The following JMJD1C variants were observed in gnomAD, a reference collection of about 807,000 sequenced individuals.
JMJD1C encodes the protein jumonji domain containing 1C.
In JMJD1C, 31 loss-of-function variants were observed where a neutral mutation model predicts 245.3. That is an observed-to-expected ratio of 0.13 (90% CI 0.09 to 0.17). The LOEUF is 0.17. Ranked by LOEUF, JMJD1C falls within the 10% of genes least tolerant of loss-of-function variation. The pLI is 1.00. For synonymous variants in JMJD1C, 1,057 were observed against 1,017.4 expected (o/e 1.04, Z -0.74); for missense variants, 2,691 against 3,000.2 (o/e 0.90, Z 2.41).
At chr10:63,425,802 G>A (rs148812219) in intron 1 of JMJD1C, among the ~76,000 whole-genome samples, 3 of 152,098 alleles carry the variant, frequency 2.0e-5, no homozygotes, top group Admixed American at 1.3e-4. Flanking sequence ...CACAAAAGTT[G>A]AAACAATAAT....
At chr10:63,168,309 G>A in intron 25 of JMJD1C, 126 bp downstream of exon 25, 1 of 1,016,904 alleles carries the variant, frequency 9.8e-7, no homozygotes, top group Non-Finnish European at 1.5e-6. Flanking sequence ...ATACATGTTG[G>A]TGTTAATCTT....
At chr10:63,356,238 A>C (rs1226969202) in intron 2 of JMJD1C, among the ~76,000 whole-genome samples, 3 of 152,172 alleles carry the variant, frequency 2.0e-5, no homozygotes, top group African/African-American at 7.2e-5. Flanking sequence ...TAGAAGACAA[A>C]CTTTACCTAC....
At chr10:63,471,992 T>C (rs1320477411) in intron 1 of JMJD1C, among the ~76,000 whole-genome samples, 1 of 152,076 alleles carries the variant, frequency 6.6e-6, no homozygotes, top group Non-Finnish European at 1.5e-5. Flanking sequence ...TGGGCTGAGA[T>C]TGCACCACTG....
intron 1 of JMJD1C, among the ~76,000 whole-genome samples, chr10:63,461,853 T>A (rs766243666): frequency 6.6e-6 from 1 of 152,212 alleles, no homozygotes; most frequent in African/African-American, 2.4e-5. Flanking sequence ...AATAAATAAA[T>A]CACTGAGATC....
At chr10:63,397,052 ACT>A (rs34927826) in intron 1 of JMJD1C, among the ~76,000 whole-genome samples, 30,424 of 151,276 alleles carry the variant, frequency 0.2, 3,982 homozygotes, top group Non-Finnish European at 0.29. Flanking sequence ...TTTCAGTAAC[ACT>A]CTATTTTGAC....
At chr10:63,198,775 TA>T in intron 11 of JMJD1C, 48 bp from the exon 12 acceptor site, 2 of 1,097,890 alleles carry the variant, frequency 1.8e-6, no homozygotes, top group Non-Finnish European at 2.6e-6. Context: ...TATTAAAACA[TA>T]AGTCCAGTCT....
chr10:63,175,148 A>C (rs554631748), intron 24 of JMJD1C, among the ~76,000 whole-genome samples: 33 of 152,350 alleles, frequency 2.2e-4, no homozygotes, highest in African/African-American at 7.9e-4. Context: ...TTATAATACT[A>C]GTCTCTTAAA....
intron 1 of JMJD1C, among the ~76,000 whole-genome samples, chr10:63,484,926 C>T (rs951782445): frequency 4.0e-5 from 6 of 151,754 alleles, no homozygotes; most frequent in Admixed American, 2.6e-4. Flanking sequence ...CCAAAGGACA[C>T]TAGAGCAAGC....
At chr10:63,311,957 T>C (rs1470322239) in intron 2 of JMJD1C, among the ~76,000 whole-genome samples, 3 of 152,222 alleles carry the variant, frequency 2.0e-5, no homozygotes, top group African/African-American at 4.8e-5. Flanking sequence ...CTTCTGATTT[T>C]GAGAAAACCT....
intron 18 of JMJD1C, among the ~76,000 whole-genome samples, chr10:63,188,936 T>G (rs1412344059): frequency 6.6e-6 from 1 of 152,164 alleles, no homozygotes; most frequent in Non-Finnish European, 1.5e-5. Context: ...GATCAAAAAG[T>G]AACATAAAAT....
intron 1 of JMJD1C, among the ~76,000 whole-genome samples, chr10:63,451,194 A>G (rs1564933316): frequency 6.6e-6 from 1 of 152,244 alleles, no homozygotes; most frequent in East Asian, 1.9e-4. Context: ...TTAAGATATC[A>G]GCACTACCCA....
intron 1 of JMJD1C, among the ~76,000 whole-genome samples, chr10:63,385,326 A>T (rs1172980681): frequency 6.6e-6 from 1 of 151,850 alleles, no homozygotes; most frequent in Non-Finnish European, 1.5e-5. Flanking sequence ...GACCCATGAA[A>T]ATATTTTTCC....
intron 3 of JMJD1C, among the ~76,000 whole-genome samples, chr10:63,245,947 A>G (rs1852152445): frequency 6.6e-6 from 1 of 152,178 alleles, no homozygotes; most frequent in South Asian, 2.1e-4. Context: ...ACACATGCAA[A>G]CATATCAGAG....
intron 1 of JMJD1C, among the ~76,000 whole-genome samples, chr10:63,454,555 CT>C (rs1227734208): frequency 3.3e-5 from 5 of 151,968 alleles, no homozygotes; most frequent in Non-Finnish European, 5.9e-5. Context: ...CTCAGCCCCC[CT>C]AGTAGCTGGG....
chr10:63,296,234 T>C (rs1487097377), intron 2 of JMJD1C, among the ~76,000 whole-genome samples: 2 of 151,800 alleles, frequency 1.3e-5, no homozygotes, highest in African/African-American at 4.8e-5. Context: ...GGTCTCAAAC[T>C]CCTGACCTCA....
At chr10:63,371,466 C>CT (rs1946315186) in intron 2 of JMJD1C, among the ~76,000 whole-genome samples, 1 of 152,100 alleles carries the variant, frequency 6.6e-6, no homozygotes, top group African/African-American at 2.4e-5. Context: ...TTCTTTTCCT[C>CT]TTTAATAAGA....
intron 1 of JMJD1C, among the ~76,000 whole-genome samples, chr10:63,385,372 T>C (rs558280920): frequency 1.4e-5 from 2 of 145,952 alleles, no homozygotes; most frequent in African/African-American, 2.5e-5. Context: ...ACAGACTTAA[T>C]AGATGCAAAG....
At chr10:63,275,457 G>A (rs913845321) in intron 2 of JMJD1C, among the ~76,000 whole-genome samples, 3 of 152,236 alleles carry the variant, frequency 2.0e-5, no homozygotes, top group South Asian at 4.2e-4. Context: ...TTTCACAAAG[G>A]AGAAATAAGC....
At chr10:63,194,952 T>A (rs902030220) in intron 13 of JMJD1C, among the ~76,000 whole-genome samples, 2 of 152,208 alleles carry the variant, frequency 1.3e-5, no homozygotes, top group African/African-American at 4.8e-5. Flanking sequence ...AAGCATTTGA[T>A]ACCTTGATCT....
Sources: allele counts gnomAD v4.1 joint callset (sites outside exome capture counted in the v4.1 genomes callset), GRCh38; gene constraint gnomAD v4.1.1; transcripts MANE v1.5; gene names NCBI Gene and HGNC (gene_info 2026-07-23, HGNC 2026-07-21).